CEP76: variants seen among roughly 807,000 people sequenced by gnomAD.
CEP76 encodes the protein centrosomal protein of 76 kDa.
Under a neutral mutation model 83.3 loss-of-function variants are expected in CEP76, and 55 were observed. The observed-to-expected ratio is 0.66, with a 90% CI of 0.53 to 0.83. CEP76 has a LOEUF of 0.83. CEP76 is among the 40% of genes least tolerant of loss of function. CEP76 has a pLI of 0.00. For synonymous variants in CEP76, 270 were observed against 274.5 expected (o/e 0.98, Z 0.16); for missense variants, 694 against 799.5 (o/e 0.87, Z 1.59).
At chr18:12,666,153 CAA>C (rs35334528) in intron 12 of CEP76, among the ~76,000 whole-genome samples, 46,542 of 116,850 alleles carry the variant, frequency 0.4, 7,364 homozygotes, top group Middle Eastern at 0.47. Context: ...CTCATCTCTA[CAA>C]AAAAAAAAAA....
chr18:12,674,369 G>A (rs2039045208), intron 11 of CEP76, among the ~76,000 whole-genome samples, 167 bp downstream of exon 11: 1 of 151,586 alleles, frequency 6.6e-6, no homozygotes, highest in African/African-American at 2.4e-5. Context: ...TTGGGCCCAG[G>A]AGGTCAAGGC....
intron 4 of CEP76, among the ~76,000 whole-genome samples, chr18:12,698,170 ATTTG>A (rs977004217): frequency 2.0e-5 from 3 of 151,546 alleles, no homozygotes; most frequent in Middle Eastern, 3.2e-3. Context: ...ATTTATATTT[ATTTG>A]TAAGTATTTA....
At chr18:12,677,872 ATTC>A (rs1459234092) in intron 10 of CEP76, among the ~76,000 whole-genome samples, 1 of 152,224 alleles carries the variant, frequency 6.6e-6, no homozygotes, top group African/African-American at 2.4e-5. Flanking sequence ...CAAGTTCACC[ATTC>A]TTCATTTCTA....
intron 10 of CEP76, among the ~76,000 whole-genome samples, chr18:12,676,662 G>A (rs560494687): frequency 6.6e-6 from 1 of 152,158 alleles, no homozygotes; most frequent in Non-Finnish European, 1.5e-5. Context: ...TGGAAGGAAA[G>A]AAAAAGTAAT....
intron 1 of CEP76, 72 bp downstream of exon 1, chr18:12,702,414 C>T: frequency 1.6e-6 from 2 of 1,223,582 alleles, no homozygotes; most frequent in Non-Finnish European, 2.4e-6. Flanking sequence ...CGCTGTCGGC[C>T]CGGGGCCGCC....
chr18:12,698,329 G>T (rs572972719), intron 4 of CEP76, among the ~76,000 whole-genome samples: 29 of 151,956 alleles, frequency 1.9e-4, no homozygotes, highest in Non-Finnish European at 4.1e-4. Flanking sequence ...ACCATGCCCG[G>T]CTAGAAATTT....
chr18:12,685,596 A>C (rs1220013740), intron 8 of CEP76: 1 of 152,050 alleles, frequency 6.6e-6, no homozygotes, highest in Non-Finnish European at 1.5e-5. Flanking sequence ...GGACCCTTGC[A>C]AAACAAAATC....
chr18:12,701,239 G>A (rs1177139523), intron 1 of CEP76, 126 bp from the exon 2 acceptor site: 3 of 665,444 alleles, frequency 4.5e-6, no homozygotes, highest in South Asian at 4.1e-5. Flanking sequence ...GGGAACAAAG[G>A]TAAGCTTTTA....
Position 12,673,423 on chromosome 18 carries a change from G to A in CEP76, c.1922C>T (p.Pro641Leu), listed in dbSNP as rs2038999997. The A allele has an allele frequency of 1.2e-6, 2 of 1,605,262 alleles. No individual in the cohort carries two copies. Among genetic ancestry groups the A allele is most frequent in the South Asian group, 2.2e-5 (2 of 89,316 alleles). ...LAVRVRVFTYPESACAVWIMF... is the reference protein window; with the variant it reads ...LAVRVRVFTYLESACAVWIMF... The stretch of plus-strand genomic sequence containing the variant: ...GATCCAAACAGCACATGCAGATTCA[G>A]GGTAAGTAAATACTCGGACACGAAC... The change falls in exon 12 of 12, where the codon CCT becomes CTT. Residue 641 changes from proline (P) to leucine (L), a missense_variant. Physicochemically the swap from Pro to Leu is moderately conservative, Grantham distance 98 (BLOSUM62 -3). Transcript: ENST00000262127.
intron 4 of CEP76, among the ~76,000 whole-genome samples, chr18:12,698,198 GAA>G (rs1425829408): frequency 4.9e-4 from 74 of 151,372 alleles, no homozygotes; most frequent in African/African-American, 1.7e-3. Context: ...AAATTTATTA[GAA>G]GTTTTTATAA....
chr18:12,672,806 C>T lies in CEP76; in HGVS notation c.*559G>A. ...CTTTTCTGGTATTAGTTTTTTCCTACTCTTGCTTCAAGGTCCAACCATAAA... is the reference window on the plus strand; with the variant it reads ...CTTTTCTGGTATTAGTTTTTTCCTATTCTTGCTTCAAGGTCCAACCATAAA... On this transcript the variant is annotated 3_prime_UTR_variant, in exon 12 of 12. Transcript: ENST00000262127. 1 of 983,646 alleles carries T rather than the reference C, an allele frequency of 1.0e-6. No homozygotes were observed. The highest frequency in any genetic ancestry group is 1.2e-6 in the Non-Finnish European group (1 of 828,246). 60.9% of individuals were successfully genotyped at this position (983,646 alleles called of 1,614,324 possible). A position where few individuals can be genotyped will look rare whatever the true frequency, so the allele number is the denominator to read the frequency against.
At chr18:12,686,157 G>T (rs1228032411) in intron 8 of CEP76, 105 bp downstream of exon 8, 1 of 855,148 alleles carries the variant, frequency 1.2e-6, no homozygotes, top group African/African-American at 1.7e-5. Context: ...GGTACAGAGG[G>T]TTGACTATAT....
At chr18:12,668,520 C>T (rs2038851163), downstream of CEP76, among the ~76,000 whole-genome samples, 1 of 140,262 alleles carries the variant, frequency 7.1e-6, no homozygotes, top group South Asian at 2.3e-4. Flanking sequence ...ATCACTTGAA[C>T]CCAGGAGGTA....
chr18:12,665,554 G>A (rs1486964301), intron 12 of CEP76, among the ~76,000 whole-genome samples: 1 of 152,036 alleles, frequency 6.6e-6, no homozygotes, highest in Non-Finnish European at 1.5e-5. Flanking sequence ...TGTAACCCTC[G>A]CTCCTACTCT....
chr18:12,668,577 G>A (rs1288148860), downstream of CEP76, among the ~76,000 whole-genome samples: 3 of 90,320 alleles, frequency 3.3e-5, no homozygotes, highest in Non-Finnish European at 6.1e-5. Flanking sequence ...CAGCCTGGGA[G>A]ACAGAGTAAG....
intron 12 of CEP76, among the ~76,000 whole-genome samples, chr18:12,663,890 C>T (rs1267403882): frequency 6.6e-6 from 1 of 152,180 alleles, no homozygotes; most frequent in African/African-American, 2.4e-5. Context: ...CCCAGCTGGG[C>T]ACAGTGGTTT....
upstream of CEP76, chr18:12,702,755 TCAAA>T (rs552457304): frequency 1.1e-3 from 681 of 596,796 alleles, no homozygotes; most frequent in Non-Finnish European, 1.7e-3. Context: ...CCAACTGTTT[TCAAA>T]CAGTGGCGGA....
downstream of CEP76, among the ~76,000 whole-genome samples, chr18:12,671,561 T>TA (rs1291736058): frequency 6.6e-6 from 1 of 151,564 alleles, no homozygotes; most frequent in African/African-American, 2.4e-5. Context: ...CTACTCTTTT[T>TA]AAAGTTTACT....
intron 11 of CEP76, among the ~76,000 whole-genome samples, chr18:12,674,169 G>C (rs2039034331): frequency 6.6e-6 from 1 of 152,012 alleles, no homozygotes; most frequent in African/African-American, 2.4e-5. Flanking sequence ...GGGTGCAACG[G>C]CTCACACCTG....
Sources: allele counts gnomAD v4.1 joint callset (sites outside exome capture counted in the v4.1 genomes callset), GRCh38; gene constraint gnomAD v4.1.1; transcripts MANE v1.5; gene names NCBI Gene and HGNC (gene_info 2026-07-23, HGNC 2026-07-21).